PDCD4: variants seen among roughly 807,000 people sequenced by gnomAD.
The protein encoded by PDCD4 is programmed cell death 4.
A neutral mutation model predicts 54.0 loss-of-function variants in PDCD4; 56 were observed. The ratio of observed to expected loss-of-function variants is 1.04; its 90% CI spans 0.84 to 1.30. The LOEUF (loss-of-function observed/expected upper bound fraction) is 1.30, where lower values mean the gene tolerates loss of function less well. Among genes scored for constraint, PDCD4 ranks in the 50% most tolerant of loss-of-function variants. The pLI is 0.00. For synonymous variants in PDCD4, 186 were observed against 194.8 expected, an observed-to-expected ratio of 0.95 and a Z score of 0.37; for missense variants, 584 against 559.8, an observed-to-expected ratio of 1.04 and a Z score of -0.44.
chr10:110,898,151 A>T lies in PDCD4; in HGVS notation c.*63A>T. On this transcript the variant is annotated 3_prime_UTR_variant, in exon 12 of 12. Coordinates refer to ENST00000280154, the MANE Select transcript of PDCD4 (RefSeq NM_014456.5). ...ATATATCTGAATTGTAAGAGTTGTT[A>T]GCACAAGTTTTTTTTTTTTTTTTTT... 5.9e-6 allele frequency: 4 copies of T among 676,866 alleles called. No individual in the cohort carries two copies. The highest frequency in any genetic ancestry group is 8.4e-6 in the Non-Finnish European group (4 of 473,906). 41.9% of individuals were successfully genotyped at this position (676,866 alleles called of 1,614,324 possible). A position where few individuals can be genotyped will look rare whatever the true frequency, so the allele number is the denominator to read the frequency against.
Position 110,883,112 on chromosome 10 carries a change from CT to C in PDCD4, c.441+20del. 1 of 1,481,580 alleles carries C rather than the reference CT, an allele frequency of 6.7e-7. No homozygotes were observed. The highest frequency in any genetic ancestry group is 9.2e-7 in the Non-Finnish European group (1 of 1,084,452). The allele number at this position is 1,481,580 out of a possible 1,614,324, so 91.8% of individuals were successfully genotyped here. Reference sequence around the variant, plus strand: ...ATGATGACCAGGTATCAGTGCTTTGCTTTTTCATAATATTTAAAATGTTTAT... The same window carrying C: ...ATGATGACCAGGTATCAGTGCTTTGCTTTTCATAATATTTAAAATGTTTAT... On this transcript the variant is annotated intron_variant, in intron 4 of 11. Coordinates refer to ENST00000280154, the MANE Select transcript of PDCD4 (RefSeq NM_014456.5).
chr10:110,885,447 C>A, intron 5 of PDCD4, 81 bp downstream of exon 5: 1 of 603,184 alleles, frequency 1.7e-6, no homozygotes, highest in South Asian at 2.3e-5. Flanking sequence ...CTACAATGAT[C>A]TTGGGTCACT....
Position 110,889,514 on chromosome 10 carries a change from T to A in PDCD4, c.778-19T>A, listed in dbSNP as rs185016093. The A allele has an allele frequency of 1.7e-5, 24 of 1,422,788 alleles. No homozygotes were observed. The East Asian group carries it at 5.2e-4, about 31-fold the overall frequency. The allele number at this position is 1,422,788 out of a possible 1,614,324, so 88.1% of individuals were successfully genotyped here. ...TTATTTAACTTTTTTTATAGCTCTT[T>A]TTTTTTTCCTTTTTACAGTTGGTGG... On this transcript the variant is annotated intron_variant, in intron 6 of 11. Transcript: ENST00000280154.
In PDCD4 at chr10:110,890,657, A is replaced by G; in HGVS notation, c.977A>G (p.His326Arg). The change falls in exon 8 of 12, where the codon CAC (histidine) becomes CGC (arginine). Residue 326 changes from histidine to arginine, a missense_variant. By Grantham distance (29) the His-to-Arg change is conservative. Coordinates refer to ENST00000280154, the MANE Select transcript of PDCD4 (RefSeq NM_014456.5). ...GGAGGTGGGCAGCAATCTGTCAATCACCTTGTTAAAGAGGTAATGATTGGG... is the reference window on the plus strand; with the variant it reads ...GGAGGTGGGCAGCAATCTGTCAATCGCCTTGTTAAAGAGGTAATGATTGGG... ...GSGGGQQSVN[H>R]LVKEIDMLLK... 2 of 1,600,980 alleles carry G rather than the reference A, an allele frequency of 1.2e-6. No individual in the cohort carries two copies. Among genetic ancestry groups the G allele is most frequent in the Non-Finnish European group, 1.7e-6 (2 of 1,168,726 alleles).
intron 2 of PDCD4, among the ~76,000 whole-genome samples, chr10:110,877,622 G>A (rs1215412638): frequency 6.6e-6 from 1 of 151,832 alleles, no homozygotes; most frequent in East Asian, 1.9e-4. Flanking sequence ...TGTACTTTTT[G>A]TTTCCTAACT....
intron 2 of PDCD4, among the ~76,000 whole-genome samples, chr10:110,877,136 A>G (rs537258994): frequency 1.4e-4 from 21 of 152,370 alleles, no homozygotes; most frequent in African/African-American, 4.8e-4. Context: ...GCTGTATACA[A>G]TAGCTGTATG....
intron 6 of PDCD4, among the ~76,000 whole-genome samples, chr10:110,889,058 C>G (rs943434236): frequency 1.1e-4 from 17 of 151,692 alleles, no homozygotes; most frequent in African/African-American, 3.6e-4. Flanking sequence ...GGTGACACCC[C>G]GTCTCTACTA....
At position 110,898,363 on chromosome 10, in the gene PDCD4, T is replaced by G. The variant is rs1339142667; in HGVS notation, c.*275T>G. 3.9e-6 allele frequency: 1 copy of G among 253,914 alleles called. No individual in the cohort carries two copies. The highest frequency in any genetic ancestry group is 7.4e-6 in the Non-Finnish European group (1 of 135,266). The allele number at this position is 253,914 out of a possible 1,614,324, so 15.7% of individuals were successfully genotyped here. On this transcript the variant is annotated 3_prime_UTR_variant, in exon 12 of 12. Transcript: ENST00000280154. Reference sequence around the variant, plus strand: ...CCTTTTGTAAGTGCCATGTTTATTATCTAATCATTCCAAGTTTTGCATTGA... The same window carrying G: ...CCTTTTGTAAGTGCCATGTTTATTAGCTAATCATTCCAAGTTTTGCATTGA...
Position 110,898,214 on chromosome 10 carries a change from T to C in PDCD4, c.*126T>C. On this transcript the variant is annotated 3_prime_UTR_variant, in exon 12 of 12. Coordinates refer to ENST00000280154, the MANE Select transcript of PDCD4 (RefSeq NM_014456.5). The stretch of plus-strand genomic sequence containing the variant: ...TTTGGGTACAAGGCATTTCTGACAT[T>C]TTATAAACCTACATTTAAGGGGAAT... The C allele has an allele frequency of 2.2e-6, 1 of 457,058 alleles. No homozygotes were observed. Among genetic ancestry groups the C allele is most frequent in the Non-Finnish European group, 3.8e-6 (1 of 264,824 alleles). The allele number at this position is 457,058 out of a possible 1,614,324, so 28.3% of individuals were successfully genotyped here. A position where few individuals can be genotyped will look rare whatever the true frequency, so the allele number is the denominator to read the frequency against.
At chr10:110,897,756 TGTTTTA>T (rs1238781184) in intron 11 of PDCD4, among the ~76,000 whole-genome samples, 1 of 152,084 alleles carries the variant, frequency 6.6e-6, no homozygotes, top group Admixed American at 6.5e-5. Context: ...CTAAATAAAA[TGTTTTA>T]GTTTGAGTCA....
In PDCD4 at chr10:110,894,447, T is replaced by C. The variant is rs1845800413; in HGVS notation, c.1134T>C (p.Ser378=). 1 of 1,575,330 alleles carries C rather than the reference T, an allele frequency of 6.3e-7. No homozygotes were observed. The change falls in exon 10 of 12, where the codon AGT becomes AGC. Residue 378 remains serine (S), a synonymous_variant. Transcript: ENST00000280154. Reference sequence around the variant, plus strand: ...TGGTTTTAGAGTCAACTGGAGAAAGTACATTTAAGATGATTTTGGATTTAT... The same window carrying C: ...TGGTTTTAGAGTCAACTGGAGAAAGCACATTTAAGATGATTTTGGATTTAT... ...IIMVLESTGE[S]TFKMILDLLK... is the part of the protein sequence containing the mutation.
intron 4 of PDCD4, 36 bp from the exon 5 acceptor site, chr10:110,885,217 G>A (rs767249846): frequency 2.1e-6 from 2 of 959,242 alleles, no homozygotes; most frequent in South Asian, 1.4e-5. Context: ...TTTGCATTTT[G>A]TTTTTTATAA....
rs1590741157 is a variant in PDCD4, at chr10:110,898,159, T to G, written c.*71T>G. ...GAATTGTAAGAGTTGTTAGCACAAG[T>G]TTTTTTTTTTTTTTTTTTTAAGCAC... On this transcript the variant is annotated 3_prime_UTR_variant, in exon 12 of 12. Coordinates refer to ENST00000280154, the MANE Select transcript of PDCD4 (RefSeq NM_014456.5). 7.1e-5 allele frequency: 1 copy of G among 14,108 alleles called. No homozygotes were observed. Among genetic ancestry groups the G allele is most frequent in the South Asian group, 2.5e-3 (1 of 396 alleles). 0.9% of individuals were successfully genotyped at this position (14,108 alleles called of 1,614,324 possible). A position where few individuals can be genotyped will look rare whatever the true frequency, so the allele number is the denominator to read the frequency against.
chr10:110,878,152 A>C (rs1845535232), intron 2 of PDCD4, among the ~76,000 whole-genome samples: 1 of 152,178 alleles, frequency 6.6e-6, no homozygotes, highest in South Asian at 2.1e-4. Context: ...GGTTTTCTTA[A>C]AGTCAGCTCA....
At chr10:110,889,778 T>A (rs1347310637) in intron 7 of PDCD4, 148 bp downstream of exon 7, 1 of 609,432 alleles carries the variant, frequency 1.6e-6, no homozygotes, top group African/African-American at 1.9e-5. Context: ...GAGAGACTAT[T>A]GGCATGATAT....
In PDCD4 at chr10:110,898,123, A is replaced by T. The variant is rs12263197; in HGVS notation, c.*35A>T. ...CTCTTGCAGTCTTAGATGTTATAAA[A>T]ATATATATCTGAATTGTAAGAGTTG... On this transcript the variant is annotated 3_prime_UTR_variant, in exon 12 of 12. Coordinates refer to ENST00000280154, the MANE Select transcript of PDCD4 (RefSeq NM_014456.5). 3.3e-3 allele frequency: 4,160 copies of T among 1,263,772 alleles called. 103 individuals carry two copies. The African/African-American group carries it at 0.054, about 16-fold the overall frequency. 78.3% of individuals were successfully genotyped at this position (1,263,772 alleles called of 1,614,324 possible).
At chr10:110,895,691 C>T (rs754144827) in intron 10 of PDCD4, among the ~76,000 whole-genome samples, 2 of 152,182 alleles carry the variant, frequency 1.3e-5, no homozygotes, top group Admixed American at 6.5e-5. Flanking sequence ...TTTGCATTCC[C>T]ACCAACAGCG....
At chr10:110,889,221 CAAAAAAAAAAA>C in intron 6 of PDCD4, among the ~76,000 whole-genome samples, 1 of 70,432 alleles carries the variant, frequency 1.4e-5, no homozygotes, top group East Asian at 4.0e-4. Context: ...GACTCTGTCT[CAAAAAAAAAAA>C]AAAAAAAAAA....
intron 5 of PDCD4, 122 bp downstream of exon 5, chr10:110,885,488 G>A (rs1323448940): frequency 4.0e-6 from 2 of 493,960 alleles, no homozygotes; most frequent in Admixed American, 3.7e-5. Flanking sequence ...TTTTGCATAA[G>A]TGAATTTCTA....
Sources: allele counts gnomAD v4.1 joint callset (sites outside exome capture counted in the v4.1 genomes callset), GRCh38; gene constraint gnomAD v4.1.1; transcripts MANE v1.5; gene names NCBI Gene and HGNC (gene_info 2026-07-23, HGNC 2026-07-21).